Variants in CEP72 observed in about 807,000 individuals in gnomAD.
The protein encoded by CEP72 is centrosomal protein of 72 kDa.
CEP72 carries 78 observed loss-of-function variants against 65.7 expected under a neutral mutation model. The ratio of observed to expected loss-of-function variants is 1.19; its 90% confidence interval spans 0.99 to 1.43. The LOEUF is 1.43. Among genes scored for constraint, CEP72 ranks in the 40% most tolerant of loss-of-function variants. The pLI is 0.00. For synonymous variants in CEP72, 358 were observed against 351.7 expected (o/e 1.02, Z -0.20); for missense variants, 914 against 832.9 (o/e 1.10, Z -1.20).
At chr5:651,144 C>CTG (rs200743279) in intron 11 of CEP72, among the ~76,000 whole-genome samples, 1 of 48,128 alleles carries the variant, frequency 2.1e-5, no homozygotes, top group Non-Finnish European at 3.5e-5. Context: ...TGAGGTGTGA[C>CTG]TGAGGCGTGG....
intron 1 of CEP72, among the ~76,000 whole-genome samples, chr5:612,969 A>G (rs1022824988): frequency 1.3e-5 from 2 of 152,212 alleles, no homozygotes; most frequent in African/African-American, 4.8e-5. Context: ...GTGTGTGCTC[A>G]TTGTTTGAAT....
exon 2 of CEP72, chr5:663,559 TC>T (rs1244085033): frequency 6.6e-6 from 1 of 152,434 alleles, no homozygotes; most frequent in Non-Finnish European, 1.5e-5. Flanking sequence ...CCCTGGGGCT[TC>T]TGCTCTGCTC....
At chr5:649,268 C>A (rs1580023551) in intron 11 of CEP72, among the ~76,000 whole-genome samples, 1 of 80,866 alleles carries the variant, frequency 1.2e-5, no homozygotes, top group African/African-American at 6.6e-5. Context: ...TGAGGTGTGA[C>A]TGTGAGGTGT....
intron 11 of CEP72, among the ~76,000 whole-genome samples, chr5:649,144 G>A (rs1231698420): frequency 1.4e-5 from 2 of 147,868 alleles, no homozygotes; most frequent in African/African-American, 2.5e-5. Flanking sequence ...ACTGTGAGGC[G>A]TGACTGTGAG....
intron 6 of CEP72, among the ~76,000 whole-genome samples, chr5:636,266 T>C (rs1314922924): frequency 6.6e-6 from 1 of 152,272 alleles, no homozygotes; most frequent in Admixed American, 6.5e-5. Flanking sequence ...TTGGAAAGAA[T>C]GCAGCACATT....
chr5:640,299 C>A, intron 8 of CEP72, 109 bp from the exon 9 acceptor site: 2 of 1,457,570 alleles, frequency 1.4e-6, no homozygotes, highest in Non-Finnish European at 1.9e-6. Flanking sequence ...CCCTACCTGT[C>A]GTCTTTTTGA....
chr5:639,352 G>C, intron 8 of CEP72, 128 bp downstream of exon 8: 1 of 1,105,458 alleles, frequency 9.0e-7, no homozygotes. Flanking sequence ...ACGAGCGTGT[G>C]GTGGTCCCGC....
chr5:616,898 C>T (rs948833121), intron 1 of CEP72, among the ~76,000 whole-genome samples: 3 of 146,828 alleles, frequency 2.0e-5, no homozygotes, highest in Non-Finnish European at 3.0e-5. Context: ...TGCAAGGCCC[C>T]TCCTGGTGCC....
chr5:637,720 C>G lies in CEP72; in HGVS notation c.1108C>G (p.Gln370Glu), dbSNP rs780488743. The part of the protein sequence containing the change: ...SSVPKESLSR[Q>E]DSSESRNGRT... Reference sequence around the variant, plus strand: ...CGTGCCCAAGGAGAGCCTGAGCAGACAGGACAGCTCAGAAAGCAGGAACGG... The same window carrying G: ...CGTGCCCAAGGAGAGCCTGAGCAGAGAGGACAGCTCAGAAAGCAGGAACGG... Residue 370 changes from glutamine (Q) to glutamate (E), a missense_variant, in exon 7 of 12, where the codon CAG becomes GAG. Transcript: ENST00000264935. 6.2e-6 allele frequency: 10 copies of G among 1,613,456 alleles called. No individual in the cohort carries two copies. In the Admixed American group the frequency reaches 1.5e-4, roughly 24 times the overall value.
downstream of CEP72, among the ~76,000 whole-genome samples, chr5:668,411 CAGAGAGGGGGCCGCG>C (rs1740038042): frequency 9.6e-6 from 1 of 103,712 alleles, no homozygotes. Flanking sequence ...GACAAGCACA[CAGAGAGGGGGCCGCG>C]TGGGCGCCGT....
intron 4 of CEP72, among the ~76,000 whole-genome samples, chr5:633,403 C>T (rs1305073070): frequency 7.3e-6 from 1 of 137,498 alleles, no homozygotes; most frequent in Non-Finnish European, 1.6e-5. Flanking sequence ...TTGACCCAGT[C>T]CTGGTGGGGT....
intron 9 of CEP72, chr5:643,698 C>A (rs374062964): frequency 1.0e-6 from 1 of 981,312 alleles, no homozygotes; most frequent in Non-Finnish European, 1.2e-6. Context: ...GGACCCTGGC[C>A]GCAGGTGCTG....
chr5:661,671 G>C (rs991143971), downstream of CEP72: 2 of 152,410 alleles, frequency 1.3e-5, no homozygotes, highest in African/African-American at 4.8e-5. Context: ...TGGGGCTGCC[G>C]TCCAAACAAT....
rs1163954517 is a variant in CEP72, at chr5:643,661, A to C, written c.1540-638A>C. On this transcript the variant is annotated intron_variant, in intron 9 of 11. Transcript: ENST00000264935. ...TGTGCCTGCTGGTGCCTGAGAGAGC[A>C]GCAGCCAGGTGAGACGGGATCCCTG... is the stretch of plus-strand genomic sequence containing the variant. The C allele has an allele frequency of 7.1e-6, 7 of 985,226 alleles. No homozygotes were observed. In the East Asian group the frequency reaches 6.8e-4, roughly 96 times the overall value. 61.0% of individuals were successfully genotyped at this position (985,226 alleles called of 1,614,324 possible).
At position 619,022 on chromosome 5, in the gene CEP72, T is replaced by G; in HGVS notation, c.115T>G (p.Tyr39Asp). The G allele has an allele frequency of 1.2e-6, 2 of 1,612,398 alleles. No homozygotes were observed. The highest frequency in any genetic ancestry group is 2.2e-5 in the East Asian group (1 of 44,872). The change falls in exon 2 of 12, where the codon TAC becomes GAC. Residue 39 changes from tyrosine (Y) to aspartate (D), a missense_variant. Tyr to Asp is a radical substitution (Grantham distance 160). Transcript: ENST00000264935. ...TCAGTCATTGTCTATTCCTGGAACTTACCAAGAGAAGATCACCCACCTGGG... is the reference window on the plus strand; with the variant it reads ...TCAGTCATTGTCTATTCCTGGAACTGACCAAGAGAAGATCACCCACCTGGG... ...ELQSLSIPGT[Y>D]QEKITHLGHS...
intron 4 of CEP72, among the ~76,000 whole-genome samples, chr5:626,832 G>C (rs1344242555): frequency 6.6e-6 from 1 of 152,140 alleles, no homozygotes; most frequent in African/African-American, 2.4e-5. Flanking sequence ...AAGAGAAATA[G>C]AAGTAAGTAT....
chr5:625,760 T>C (rs1302215872), intron 4 of CEP72, among the ~76,000 whole-genome samples: 1 of 152,116 alleles, frequency 6.6e-6, no homozygotes, highest in Non-Finnish European at 1.5e-5. Flanking sequence ...CCCTCCTGGC[T>C]GCTGGTGATC....
At chr5:627,581 A>T (rs1736835397) in intron 4 of CEP72, among the ~76,000 whole-genome samples, 1 of 152,020 alleles carries the variant, frequency 6.6e-6, no homozygotes, top group African/African-American at 2.4e-5. Flanking sequence ...GCTCATTCTG[A>T]TACCTTTTCT....
chr5:625,887 G>C (rs541247809), intron 4 of CEP72, among the ~76,000 whole-genome samples: 2 of 152,136 alleles, frequency 1.3e-5, no homozygotes, highest in African/African-American at 4.8e-5. Flanking sequence ...TCTCTACGGG[G>C]CCAGGTTTCC....
Sources: gnomAD v4.1 joint callset for allele counts (sites outside exome capture counted in the v4.1 genomes callset) on GRCh38, gnomAD v4.1.1 for gene constraint, MANE v1.5 for transcripts, NCBI Gene and HGNC (gene_info 2026-07-23, HGNC 2026-07-21) for gene names.